The following KCNJ6 variants were observed in gnomAD, a reference collection of about 807,000 sequenced individuals.
KCNJ6 encodes potassium inwardly rectifying channel subfamily J member 6.
In KCNJ6, 9 loss-of-function variants were observed where a neutral mutation model predicts 34.2. That is an observed-to-expected ratio of 0.26 (90% CI 0.16 to 0.46). The LOEUF is 0.46. KCNJ6 is among the 20% of genes least tolerant of loss of function. The pLI is 1.00. For synonymous variants in KCNJ6, 196 were observed against 207.1 expected, an observed-to-expected ratio of 0.95 and a Z score of 0.46; for missense variants, 236 against 531.3, an observed-to-expected ratio of 0.44 and a Z score of 5.46.
chr21:37,913,487 A>G (rs1461557775), intron 1 of KCNJ6, among the ~76,000 whole-genome samples: 1 of 152,172 alleles, frequency 6.6e-6, no homozygotes, highest in African/African-American at 2.4e-5. Context: ...CCGAGAGGAA[A>G]CTATATCTCC....
chr21:37,790,057 G>A (rs1054167412), intron 2 of KCNJ6, among the ~76,000 whole-genome samples: 4 of 152,178 alleles, frequency 2.6e-5, no homozygotes, highest in Non-Finnish European at 5.9e-5. Context: ...GTAAGGTCTA[G>A]TCTCAGCTCT....
At chr21:37,628,981 T>C (rs980063009) in intron 3 of KCNJ6, among the ~76,000 whole-genome samples, 5 of 152,104 alleles carry the variant, frequency 3.3e-5, no homozygotes, top group African/African-American at 1.2e-4. Flanking sequence ...AGCCATTCCA[T>C]GAACAAAAAT....
At chr21:37,718,195 G>A (rs771721653) in intron 2 of KCNJ6, among the ~76,000 whole-genome samples, 9 of 152,154 alleles carry the variant, frequency 5.9e-5, no homozygotes, top group Admixed American at 1.3e-4. Context: ...TTATGCCTTT[G>A]CCCCTTCTGT....
At chr21:37,903,502 T>C (rs1234329409) in intron 1 of KCNJ6, among the ~76,000 whole-genome samples, 4 of 152,170 alleles carry the variant, frequency 2.6e-5, no homozygotes, top group East Asian at 1.9e-4. Flanking sequence ...TGTAATGCAA[T>C]TGGCCATCTT....
intron 3 of KCNJ6, among the ~76,000 whole-genome samples, chr21:37,694,601 C>G (rs1029554184): frequency 2.0e-5 from 3 of 152,178 alleles, no homozygotes; most frequent in Admixed American, 2.0e-4. Flanking sequence ...TATGTGGAGG[C>G]TACAGACTTT....
At chr21:37,642,005 G>A (rs766059573) in intron 3 of KCNJ6, among the ~76,000 whole-genome samples, 30 of 152,216 alleles carry the variant, frequency 2.0e-4, no homozygotes, top group Non-Finnish European at 3.5e-4. Flanking sequence ...GCAACAGGAC[G>A]GATGGATGGT....
chr21:37,892,854 G>GTTT (rs778761855), intron 1 of KCNJ6, among the ~76,000 whole-genome samples: 75 of 138,398 alleles, frequency 5.4e-4, no homozygotes, highest in Middle Eastern at 3.8e-3. Context: ...TTCTTTCATA[G>GTTT]TTTTTTTTTT....
At chr21:37,633,971 G>T (rs1354448111) in intron 3 of KCNJ6, among the ~76,000 whole-genome samples, 2 of 152,092 alleles carry the variant, frequency 1.3e-5, no homozygotes, top group Admixed American at 6.5e-5. Context: ...ACACCATGAG[G>T]AAGTACAAAG....
chr21:37,761,214 TGTGTGTGCATGTCTGTGTGTGTG>T (rs1265061705), intron 2 of KCNJ6, among the ~76,000 whole-genome samples: 6 of 151,434 alleles, frequency 4.0e-5, no homozygotes, highest in Non-Finnish European at 7.4e-5. Flanking sequence ...GTATTGTGTG[TGTGTGTGCATGTCTGTGTGTGTG>T]GTGTGTGCCA....
intron 3 of KCNJ6, among the ~76,000 whole-genome samples, chr21:37,651,697 C>T (rs1016361296): frequency 6.6e-6 from 1 of 152,132 alleles, no homozygotes; most frequent in South Asian, 2.1e-4. Flanking sequence ...GAGCTGTACA[C>T]CAACATATGG....
At chr21:37,906,126 C>T (rs574172398) in intron 1 of KCNJ6, among the ~76,000 whole-genome samples, 2 of 152,256 alleles carry the variant, frequency 1.3e-5, no homozygotes, top group East Asian at 1.9e-4. Flanking sequence ...AACTATAATT[C>T]CAAAATACTA....
chr21:37,618,806 C>T lies in KCNJ6; in HGVS notation c.*6353G>A, dbSNP rs886773490. On this transcript the variant is annotated 3_prime_UTR_variant, in exon 4 of 4. Coordinates refer to ENST00000609713, the MANE Select transcript of KCNJ6 (RefSeq NM_002240.5). ...ACCCCAGTGAAATATTTTTGTGTGC[C>T]TTTAAAGTATTTTGCCTTCCTTTTC... is the stretch of plus-strand genomic sequence containing the variant. 1.3e-5 allele frequency: 2 copies of T among 152,220 alleles called. No individual in the cohort carries two copies. The highest frequency in any genetic ancestry group is 6.5e-5 in the Admixed American group (1 of 15,288). The allele number at this position is 152,220 out of a possible 1,614,324, so 9.4% of individuals were successfully genotyped here.
At chr21:37,718,902 T>C (rs1441809443) in intron 2 of KCNJ6, among the ~76,000 whole-genome samples, 2 of 151,718 alleles carry the variant, frequency 1.3e-5, no homozygotes, top group Non-Finnish European at 2.9e-5. Flanking sequence ...TCCCTGGTAG[T>C]GTGTTTGGAA....
At chr21:37,779,810 G>A (rs867684375) in intron 2 of KCNJ6, among the ~76,000 whole-genome samples, 2 of 152,224 alleles carry the variant, frequency 1.3e-5, no homozygotes, top group Non-Finnish European at 2.9e-5. Context: ...TCACAAGTGA[G>A]GTTGTATGTA....
chr21:37,779,237 G>A (rs1042912450), intron 2 of KCNJ6, among the ~76,000 whole-genome samples: 3 of 152,094 alleles, frequency 2.0e-5, no homozygotes, highest in Non-Finnish European at 4.4e-5. Flanking sequence ...CCTGTGAGGT[G>A]TGCACAGGAC....
intron 2 of KCNJ6, among the ~76,000 whole-genome samples, chr21:37,812,083 G>T (rs1304719847): frequency 6.6e-6 from 1 of 152,054 alleles, no homozygotes; most frequent in East Asian, 1.9e-4. Context: ...GACCATTTGG[G>T]GTCCTTCTGA....
At position 37,715,050 on chromosome 21, in the gene KCNJ6, G is replaced by T; in HGVS notation, c.107C>A (p.Ala36Asp). 6.2e-7 allele frequency: 1 copy of T among 1,614,100 alleles called. No homozygotes were observed. Among genetic ancestry groups the T allele is most frequent in the Non-Finnish European group, 8.5e-7 (1 of 1,179,986 alleles). ...GATGTGTCTTGGCAGGTCATCCCTGGCCTGCTTAGGCAACTTTGGCTGGTG... is the reference window on the plus strand; with the variant it reads ...GATGTGTCTTGGCAGGTCATCCCTGTCCTGCTTAGGCAACTTTGGCTGGTG... The part of the protein sequence containing the change: ...AIHQPKLPKQ[A>D]RDDLPRHISR... The change falls in exon 3 of 4, where the codon GCC becomes GAC. Residue 36 changes from alanine (A) to aspartate (D), a missense_variant. Transcript: ENST00000609713.
At chr21:37,853,799 G>A (rs529426712) in intron 1 of KCNJ6, among the ~76,000 whole-genome samples, 21 of 138,258 alleles carry the variant, frequency 1.5e-4, no homozygotes, top group Non-Finnish European at 2.6e-4. Context: ...TGTTTCCCTT[G>A]AATTGGTCAA....
At chr21:37,666,264 G>A (rs1309909728) in intron 3 of KCNJ6, among the ~76,000 whole-genome samples, 2 of 152,152 alleles carry the variant, frequency 1.3e-5, no homozygotes, top group Admixed American at 1.3e-4. Context: ...TTCCTGTTGA[G>A]TAGGACCAAG....
Sources: allele counts gnomAD v4.1 joint callset (sites outside exome capture counted in the v4.1 genomes callset), GRCh38; gene constraint gnomAD v4.1.1; transcripts MANE v1.5; gene names NCBI Gene and HGNC (gene_info 2026-07-23, HGNC 2026-07-21).